ASAH1: variants seen among roughly 807,000 people sequenced by gnomAD.
ASAH1 encodes the protein acid ceramidase.
Under a neutral mutation model 59.5 loss-of-function variants are expected in ASAH1, and 70 were observed. That is an observed-to-expected ratio of 1.18 (90% CI 0.97 to 1.43). The LOEUF (loss-of-function observed/expected upper bound fraction) is 1.43, where lower values mean the gene tolerates loss of function less well. Ranked by LOEUF, ASAH1 falls within the 40% of genes most tolerant of loss-of-function variation. ASAH1 has a pLI of 0.00. For missense variants in ASAH1, 660 were observed against 482.5 expected (o/e 1.37, Z -3.45); for synonymous variants, 213 against 166.5 (o/e 1.28, Z -2.15).
At position 18,064,362 on chromosome 8, in the gene ASAH1, T is replaced by G. The variant is rs1014612561; in HGVS notation, c.457+95A>C. On this transcript the variant is annotated intron_variant, in intron 6 of 13. Coordinates refer to ENST00000637790, the MANE Select transcript of ASAH1 (RefSeq NM_177924.5). Reference sequence around the variant, plus strand: ...GTATGCAACATACACAGAATTTACATAGCAAGCCCAAATTTCAGAAGTTCT... The same window carrying G: ...GTATGCAACATACACAGAATTTACAGAGCAAGCCCAAATTTCAGAAGTTCT... 10 of 986,958 alleles carry G rather than the reference T, an allele frequency of 1.0e-5. No individual in the cohort carries two copies. In the East Asian group the frequency reaches 2.1e-4, roughly 20 times the overall value. 61.1% of individuals were successfully genotyped at this position (986,958 alleles called of 1,614,324 possible).
chr8:18,073,802 G>A (rs1800275137), intron 2 of ASAH1, among the ~76,000 whole-genome samples: 1 of 152,206 alleles, frequency 6.6e-6, no homozygotes, highest in Non-Finnish European at 1.5e-5. Context: ...AAGATCCATT[G>A]ATAGAGTTGA....
chr8:18,084,521 C>G (rs1800816122), upstream of ASAH1: 2 of 1,386,418 alleles, frequency 1.4e-6, no homozygotes, highest in Non-Finnish European at 9.8e-7. Context: ...ATGTAACATC[C>G]CACCCTGACC....
At position 18,061,724 on chromosome 8, in the gene ASAH1, G is replaced by GT; in HGVS notation, c.664dup (p.Thr222AsnfsTer4). On this transcript the variant is annotated frameshift_variant, in exon 9 of 14. Transcript: ENST00000637790. LOFTEE classifies it high-confidence loss of function. ...ATTTATACTGAAACGTTCATTCAGT[G>GT]TAAGACTGAACAGTCCCTGAGAAAA... 1 of 1,579,476 alleles carries GT rather than the reference G, an allele frequency of 6.3e-7. No homozygotes were observed. Among genetic ancestry groups the GT allele is most frequent in the Non-Finnish European group, 8.6e-7 (1 of 1,160,754 alleles).
chr8:18,070,026 G>A (rs1800096126), intron 3 of ASAH1, 148 bp from the exon 4 acceptor site: 2 of 547,668 alleles, frequency 3.7e-6, no homozygotes, highest in Non-Finnish European at 3.2e-6. Flanking sequence ...TGTCACCCAG[G>A]CTGGAGTGCA....
At chr8:18,061,483 G>C in intron 9 of ASAH1, 25 bp from the exon 10 acceptor site, 1 of 1,586,270 alleles carries the variant, frequency 6.3e-7, no homozygotes, top group Non-Finnish European at 8.7e-7. Context: ...CACAATGTCA[G>C]GAACCGGAAG....
chr8:18,059,375 GGC>G lies in ASAH1; in HGVS notation c.1005_1006del (p.Pro336CysfsTer16). Reference sequence around the variant, plus strand: ...GGTGCGGTTCAGACACATCTTTGCAGGCGTTCTGCGATCATCAAGGAAGAAGG... The same window carrying G: ...GGTGCGGTTCAGACACATCTTTGCAGGTTCTGCGATCATCAAGGAAGAAGG... On this transcript the variant is annotated frameshift_variant, in exon 12 of 14. Transcript: ENST00000637790. LOFTEE classifies it high-confidence loss of function. 6.2e-7 allele frequency: 1 copy of G among 1,614,212 alleles called. No individual in the cohort carries two copies. Among genetic ancestry groups the G allele is most frequent in the Non-Finnish European group, 8.5e-7 (1 of 1,180,036 alleles).
At chr8:18,078,756 A>C (rs1368262242) in intron 1 of ASAH1, among the ~76,000 whole-genome samples, 1 of 152,208 alleles carries the variant, frequency 6.6e-6, no homozygotes. Context: ...TGATAGGTAA[A>C]GATTAGAAAC....
At chr8:18,068,223 T>C (rs1315006876) in intron 4 of ASAH1, 4 of 152,182 alleles carry the variant, frequency 2.6e-5, no homozygotes, top group African/African-American at 9.7e-5. Context: ...GTTAAGAAAC[T>C]TTCCCTAGGA....
upstream of ASAH1, chr8:18,084,807 G>A (rs752230439): frequency 4.3e-6 from 7 of 1,613,132 alleles, 1 homozygote; most frequent in Middle Eastern, 1.7e-4. Context: ...TTCATTAAGC[G>A]GCTGTGTTTC....
chr8:18,067,149 A>T, intron 5 of ASAH1, 71 bp downstream of exon 5: 2 of 1,376,952 alleles, frequency 1.5e-6, no homozygotes, highest in Non-Finnish European at 2.0e-6. Context: ...CTGTATGTAT[A>T]TCACACCTCA....
chr8:18,064,666 G>A lies in ASAH1; in HGVS notation c.383-135C>T, dbSNP rs756075350. ...CAGTGGGGCTGTGCTGGAACGGCCGGCTGGAGGTGGTTTTCTTCCCCAGCC... is the reference window on the plus strand; with the variant it reads ...CAGTGGGGCTGTGCTGGAACGGCCGACTGGAGGTGGTTTTCTTCCCCAGCC... On this transcript the variant is annotated intron_variant, in intron 5 of 13. Transcript: ENST00000637790. The A allele has an allele frequency of 2.6e-4, 167 of 635,048 alleles. 1 individual carries two copies. The highest frequency in any genetic ancestry group is 4.2e-4 in the Non-Finnish European group (152 of 360,140). The allele number at this position is 635,048 out of a possible 1,614,324, so 39.3% of individuals were successfully genotyped here.
chr8:18,082,798 G>A (rs1310729960), intron 1 of ASAH1, among the ~76,000 whole-genome samples: 1 of 152,092 alleles, frequency 6.6e-6, no homozygotes, highest in East Asian at 1.9e-4. Context: ...GTTCCTGGTG[G>A]TCTTTCAATG....
intron 4 of ASAH1, chr8:18,068,344 G>A (rs1309874055): frequency 6.6e-6 from 1 of 152,276 alleles, no homozygotes; most frequent in East Asian, 1.9e-4. Context: ...ATTCAGAGTA[G>A]AGGGGAGATT....
intron 6 of ASAH1, 83 bp from the exon 7 acceptor site, chr8:18,063,313 T>C: frequency 8.3e-7 from 1 of 1,198,206 alleles, no homozygotes; most frequent in East Asian, 2.3e-5. Flanking sequence ...GATTAATTAA[T>C]TTATTTTTGA....
At chr8:18,067,146 T>TAAGAC in intron 5 of ASAH1, 74 bp downstream of exon 5, 8 of 1,261,262 alleles carry the variant, frequency 6.3e-6, no homozygotes, top group Non-Finnish European at 5.6e-6. Context: ...GTGCTGTATG[T>TAAGAC]ATATCACACC....
chr8:18,069,673 C>T lies in ASAH1; in HGVS notation c.303+119G>A. On this transcript the variant is annotated intron_variant, in intron 4 of 13. Transcript: ENST00000637790. ...GTCCCTCTGAAGTTCTGACAGTGAG[C>T]TAGATTCATGCAGATTTGCCCAAGT... is the stretch of plus-strand genomic sequence containing the variant. 3 of 710,970 alleles carry T rather than the reference C, an allele frequency of 4.2e-6. No homozygotes were observed. In the South Asian group the frequency reaches 4.9e-5, roughly 12 times the overall value. 44.0% of individuals were successfully genotyped at this position (710,970 alleles called of 1,614,324 possible).
chr8:18,071,437 T>C, intron 2 of ASAH1, 47 bp from the exon 3 acceptor site: 2 of 1,206,672 alleles, frequency 1.7e-6, no homozygotes, highest in Admixed American at 1.9e-5. Flanking sequence ...GGGTTTTTTG[T>C]GAGGGTCAGT....
intron 12 of ASAH1, 35 bp downstream of exon 12, chr8:18,059,306 A>G (rs755096365): frequency 3.1e-6 from 5 of 1,614,064 alleles, no homozygotes; most frequent in Non-Finnish European, 4.2e-6. Flanking sequence ...TTTAATGGCA[A>G]CAGTTTCTTT....
Position 18,067,203 on chromosome 8 carries a change from T to C in ASAH1, c.382+17A>G. 6.3e-7 allele frequency: 1 copy of C among 1,575,048 alleles called. No individual in the cohort carries two copies. Among genetic ancestry groups the C allele is most frequent in the Non-Finnish European group, 8.7e-7 (1 of 1,155,546 alleles). On this transcript the variant is annotated intron_variant, in intron 5 of 13. Transcript: ENST00000637790. ...ATTTAATTACTTTTTTTTTTAAAGCTTCTAAGTGAACTTTACCTAAAGGTA... is the reference window on the plus strand; with the variant it reads ...ATTTAATTACTTTTTTTTTTAAAGCCTCTAAGTGAACTTTACCTAAAGGTA...
Sources: gnomAD v4.1 joint callset for allele counts (sites outside exome capture counted in the v4.1 genomes callset) on GRCh38, gnomAD v4.1.1 for gene constraint, MANE v1.5 for transcripts, NCBI Gene and HGNC (gene_info 2026-07-23, HGNC 2026-07-21) for gene names.